Variants in PTHLH observed in about 807,000 individuals in gnomAD.
PTHLH encodes the protein parathyroid hormone-related protein.
Under a neutral mutation model 18.6 loss-of-function variants are expected in PTHLH, and 5 were observed. The ratio of observed to expected loss-of-function variants is 0.27; its 90% CI spans 0.14 to 0.56. The LOEUF (loss-of-function observed/expected upper bound fraction) is 0.56. PTHLH is among the 20% of genes least tolerant of loss of function. The pLI, the probability that PTHLH is intolerant of heterozygous loss-of-function variation, is 0.92. For missense variants in PTHLH, 207 were observed against 223.9 expected, an observed-to-expected ratio of 0.92 and a Z score of 0.48; for synonymous variants, 90 against 94.0, an observed-to-expected ratio of 0.96 and a Z score of 0.25.
rs1476390949 is a variant in PTHLH, at chr12:27,963,349, G to A, written c.523C>T (p.Arg175Trp). The A allele has an allele frequency of 3.7e-6, 6 of 1,614,102 alleles. No homozygotes were observed. The highest frequency in any genetic ancestry group is 1.7e-5 in the Admixed American group (1 of 59,998). Residue 175 changes from arginine (R) to tryptophan (W), a missense_variant and splice_region_variant, in exon 5 of 6, where the codon CGG (arginine) becomes TGG (tryptophan). Arg to Trp is a moderately radical substitution (Grantham distance 101, BLOSUM62 -3). Coordinates refer to ENST00000545234, the MANE Select transcript of PTHLH (RefSeq NM_198965.2). Reference sequence around the variant, plus strand: ...CTACGGGCCAGAGAAGCCTGTTACCGTGAATCGAGCTCCAGCGACGTTGTG... The same window carrying A: ...CTACGGGCCAGAGAAGCCTGTTACCATGAATCGAGCTCCAGCGACGTTGTG... ...TSTTSLELDS[R>W]RH
Position 27,958,312 on chromosome 12 carries a change from A to G in PTHLH, c.*247T>C, listed in dbSNP as rs1325166341. On this transcript the variant is annotated 3_prime_UTR_variant, in exon 6 of 6. Transcript: ENST00000545234. The stretch of plus-strand genomic sequence containing the variant: ...TAGAAATTCAGCAGCACCAAGATAC[A>G]TTTACAAAATAAATACATCAATGGA... 4 of 353,646 alleles carry G rather than the reference A, an allele frequency of 1.1e-5. No homozygotes were observed. Among genetic ancestry groups the G allele is most frequent in the Non-Finnish European group, 2.0e-5 (4 of 196,716 alleles). 21.9% of individuals were successfully genotyped at this position (353,646 alleles called of 1,614,324 possible). A position where few individuals can be genotyped will look rare whatever the true frequency, so the allele number is the denominator to read the frequency against.
intron 5 of PTHLH, chr12:27,962,538 G>A (rs965617093): frequency 3.0e-6 from 3 of 985,208 alleles, no homozygotes; most frequent in Non-Finnish European, 3.6e-6. Flanking sequence ...CCAAAGTCTA[G>A]GAGTGTCATT....
At chr12:27,967,378 A>T (rs1236442191) in intron 4 of PTHLH, among the ~76,000 whole-genome samples, 1 of 152,188 alleles carries the variant, frequency 6.6e-6, no homozygotes, top group East Asian at 1.9e-4. Flanking sequence ...AAAAGTTAGC[A>T]TCTAGTTAAA....
chr12:27,971,915 A>G lies in PTHLH; in HGVS notation c.-266+12T>C, dbSNP rs1204277601. ...ATGAAAGGACAAAGTATCAGCACTCAGAAATGTCAACCTTTGAACCTCGAA... is the reference window on the plus strand; with the variant it reads ...ATGAAAGGACAAAGTATCAGCACTCGGAAATGTCAACCTTTGAACCTCGAA... On this transcript the variant is annotated intron_variant, in intron 2 of 5. Coordinates refer to ENST00000545234, the MANE Select transcript of PTHLH (RefSeq NM_198965.2). The G allele has an allele frequency of 2.0e-5, 3 of 152,006 alleles. No homozygotes were observed. The highest frequency in any genetic ancestry group is 2.0e-4 in the Admixed American group (3 of 15,268). 9.4% of individuals were successfully genotyped at this position (152,006 alleles called of 1,614,324 possible).
intron 5 of PTHLH, among the ~76,000 whole-genome samples, chr12:27,959,455 T>C (rs767754138): frequency 6.6e-6 from 1 of 152,220 alleles, no homozygotes; most frequent in African/African-American, 2.4e-5. Context: ...GTAATGACAG[T>C]ATTTTAAGAT....
intron 4 of PTHLH, 29 bp downstream of exon 4, chr12:27,969,365 C>T (rs1157732608): frequency 6.5e-7 from 1 of 1,546,878 alleles, no homozygotes; most frequent in Non-Finnish European, 8.7e-7. Context: ...CTCCCCAACC[C>T]GGCGCCCTGG....
At chr12:27,968,757 G>GA (rs1423525226) in intron 4 of PTHLH, among the ~76,000 whole-genome samples, 2 of 151,882 alleles carry the variant, frequency 1.3e-5, no homozygotes, top group South Asian at 2.1e-4. Context: ...ATAACTCCAA[G>GA]AAAAAAAAGG....
At position 27,964,249 on chromosome 12, in the gene PTHLH, TCTCTCTCTCTCTCTCTCTC is replaced by T. The variant is rs1189997316; in HGVS notation, c.102-498_102-480del. The stretch of plus-strand genomic sequence containing the variant: ...TACCTGAGTATTCTCTCTCTCTCTC[TCTCTCTCTCTCTCTCTCTC>T]CTCTCTCTCTCTCACACACACACAC... On this transcript the variant is annotated intron_variant, in intron 4 of 5. Coordinates refer to ENST00000545234, the MANE Select transcript of PTHLH (RefSeq NM_198965.2). Among the ~76,000 whole-genome samples the T allele has an allele frequency of 1.5e-3, 61 of 39,980 alleles. 1 individual carries two copies. The highest frequency in any genetic ancestry group is 2.7e-3 in the Non-Finnish European group (46 of 17,268). The allele number at this position is 39,980 out of a possible 152,430, so 26.2% of individuals were successfully genotyped here.
At chr12:27,963,122 G>C (rs2062775876) in intron 5 of PTHLH, 1 of 1,420,474 alleles carries the variant, frequency 7.0e-7, no homozygotes, top group South Asian at 1.5e-5. Flanking sequence ...AAGAGGAATG[G>C]GCTCTAGCGC....
chr12:27,963,326 A>ACGGGC, intron 5 of PTHLH, 22 bp downstream of exon 5: 1 of 1,614,246 alleles, frequency 6.2e-7, no homozygotes, highest in Non-Finnish European at 8.5e-7. Context: ...CGCTGAGGCT[A>ACGGGC]CGGGCCAGAG....
At chr12:27,963,875 G>C in intron 4 of PTHLH, 105 bp from the exon 5 acceptor site, 2 of 1,185,362 alleles carry the variant, frequency 1.7e-6, no homozygotes, top group South Asian at 2.8e-5. Context: ...TTGGTCCACC[G>C]TAAGACACAA....
At chr12:27,961,276 CAT>C (rs1555124058) in intron 5 of PTHLH, among the ~76,000 whole-genome samples, 1 of 52,748 alleles carries the variant, frequency 1.9e-5, no homozygotes, top group South Asian at 6.6e-4. Context: ...TTTTATAACT[CAT>C]ATATATACGT....
intron 2 of PTHLH, 82 bp from the exon 3 acceptor site, chr12:27,970,349 G>T (rs1224521585): frequency 6.7e-6 from 1 of 149,198 alleles, no homozygotes; most frequent in South Asian, 1.8e-4. Context: ...GCGGGCTGGC[G>T]GGCGGGCGCG....
In PTHLH at chr12:27,958,477, C is replaced by A; in HGVS notation, c.*82G>T. ...CCAATGCATTTACAGTATTTACAGA[C>A]AATAAATATTTCTAATACTTTCCAT... On this transcript the variant is annotated 3_prime_UTR_variant, in exon 6 of 6. Transcript: ENST00000545234. 7.5e-7 allele frequency: 1 copy of A among 1,339,672 alleles called. No individual in the cohort carries two copies. Among genetic ancestry groups the A allele is most frequent in the Admixed American group, 2.3e-5 (1 of 44,304 alleles). 83.0% of individuals were successfully genotyped at this position (1,339,672 alleles called of 1,614,324 possible). A position where few individuals can be genotyped will look rare whatever the true frequency, so the allele number is the denominator to read the frequency against.
chr12:27,966,218 C>G (rs974583857), intron 4 of PTHLH, among the ~76,000 whole-genome samples: 6 of 152,214 alleles, frequency 3.9e-5, no homozygotes, highest in African/African-American at 1.4e-4. Context: ...AGTGATCATT[C>G]CATCCTTCTA....
intron 1 of PTHLH, among the ~76,000 whole-genome samples, 168 bp from the exon 2 acceptor site, chr12:27,972,187 CA>C (rs1398621809): frequency 6.6e-6 from 1 of 152,082 alleles, no homozygotes; most frequent in African/African-American, 2.4e-5. Context: ...ACCCTTCTCC[CA>C]ATAGAAGGTT....
rs60461766 is a variant in PTHLH at position 27,964,234 on chromosome 12, TTCTC to T, written c.102-468_102-465del. Among the ~76,000 whole-genome samples the T allele has an allele frequency of 3.1e-3, 450 of 144,656 alleles. 2 individuals are homozygous for T. The highest frequency in any genetic ancestry group is 6.5e-3 in the African/African-American group (250 of 38,596). The allele number at this position is 144,656 out of a possible 152,430, so 94.9% of individuals were successfully genotyped here. ...AAAGGCAGCTGCTTTTACCTGAGTA[TTCTC>T]TCTCTCTCTCTCTCTCTCTCTCTCT... is the stretch of plus-strand genomic sequence containing the variant. On this transcript the variant is annotated intron_variant, in intron 4 of 5. Coordinates refer to ENST00000545234, the MANE Select transcript of PTHLH (RefSeq NM_198965.2).
intron 5 of PTHLH, chr12:27,961,527 C>T (rs2062761928): frequency 6.5e-6 from 1 of 152,706 alleles, no homozygotes; most frequent in Admixed American, 6.6e-5. Flanking sequence ...ATATATGAGA[C>T]AATGGATAAA....
chr12:27,969,320 G>C (rs761319402), intron 4 of PTHLH, 74 bp downstream of exon 4: 3 of 1,402,108 alleles, frequency 2.1e-6, no homozygotes, highest in Non-Finnish European at 2.9e-6. Flanking sequence ...GCAAGCCCTC[G>C]GCAGCATCCC....
Sources: allele counts gnomAD v4.1 joint callset (sites outside exome capture counted in the v4.1 genomes callset), GRCh38; gene constraint gnomAD v4.1.1; transcripts MANE v1.5; gene names NCBI Gene and HGNC (gene_info 2026-07-23, HGNC 2026-07-21).